B3GALT1: variants seen among roughly 807,000 people sequenced by gnomAD.
B3GALT1 encodes the protein beta-1,3-galactosyltransferase 1.
B3GALT1 carries 10 observed loss-of-function variants against 23.2 expected under a neutral mutation model. The observed-to-expected ratio is 0.43, with a 90% CI of 0.27 to 0.73. The LOEUF is 0.73. B3GALT1 is among the 30% of genes least tolerant of loss of function. The probability of loss-of-function intolerance (pLI) is 0.21; values close to 1 mark genes in which losing one functional copy is unlikely to be tolerated. For missense variants in B3GALT1, 299 were observed against 405.4 expected (o/e 0.74, Z 2.25); for synonymous variants, 156 against 141.5 (o/e 1.10, Z -0.73).
At chr2:167,569,815 T>G (rs1441957307) in intron 2 of B3GALT1, among the ~76,000 whole-genome samples, 1 of 151,898 alleles carries the variant, frequency 6.6e-6, no homozygotes, top group Non-Finnish European at 1.5e-5. Context: ...GATATTCTTC[T>G]TAAGTTGAGG....
At chr2:167,523,918 A>G (rs766325577) in intron 2 of B3GALT1, among the ~76,000 whole-genome samples, 5 of 152,172 alleles carry the variant, frequency 3.3e-5, no homozygotes, top group African/African-American at 9.6e-5. Flanking sequence ...TATTTCTTTT[A>G]TCAGTTAGTA....
chr2:167,510,285 A>C (rs896997003), intron 2 of B3GALT1, among the ~76,000 whole-genome samples: 1 of 152,040 alleles, frequency 6.6e-6, no homozygotes, highest in Non-Finnish European at 1.5e-5. Flanking sequence ...TATGTGATAC[A>C]TTGCTTGCAC....
intron 2 of B3GALT1, among the ~76,000 whole-genome samples, chr2:167,622,862 A>C (rs1160135824): frequency 6.6e-6 from 1 of 152,074 alleles, no homozygotes; most frequent in Non-Finnish European, 1.5e-5. Flanking sequence ...TCTGATACAA[A>C]ACGAAGTAAT....
chr2:167,715,435 A>G, intron 3 of B3GALT1: 1 of 1,608,636 alleles, frequency 6.2e-7, no homozygotes, highest in Non-Finnish European at 8.5e-7. Flanking sequence ...CACTCAAAGC[A>G]TCTTTTATTG....
intron 4 of B3GALT1, among the ~76,000 whole-genome samples, chr2:167,828,853 G>A (rs1689284267): frequency 1.3e-5 from 2 of 152,070 alleles, no homozygotes; most frequent in African/African-American, 4.8e-5. Flanking sequence ...TATGTGTGTG[G>A]GACTGAAATG....
intron 3 of B3GALT1, among the ~76,000 whole-genome samples, chr2:167,801,285 CTGAA>C (rs1688633968): frequency 6.6e-6 from 1 of 152,044 alleles, no homozygotes; most frequent in African/African-American, 2.4e-5. Flanking sequence ...TGTATTCTCT[CTGAA>C]TGAATAAGAG....
At chr2:167,835,514 A>AAAC in intron 4 of B3GALT1, among the ~76,000 whole-genome samples, 1 of 152,238 alleles carries the variant, frequency 6.6e-6, no homozygotes, top group East Asian at 1.9e-4. Flanking sequence ...TTGCTTAGGT[A>AAAC]AACAAAGCAG....
At chr2:167,427,005 G>T (rs1698632068) in intron 1 of B3GALT1, among the ~76,000 whole-genome samples, 2 of 152,194 alleles carry the variant, frequency 1.3e-5, no homozygotes, top group Admixed American at 1.3e-4. Flanking sequence ...GTATGTCATA[G>T]AGTAGAATAT....
chr2:167,478,586 CTT>C (rs1375950448), intron 1 of B3GALT1, among the ~76,000 whole-genome samples: 1 of 150,524 alleles, frequency 6.6e-6, no homozygotes, highest in Non-Finnish European at 1.5e-5. Context: ...TTAAATTATA[CTT>C]TAAGTTCTAG....
At chr2:167,462,614 G>C (rs548993516) in intron 1 of B3GALT1, among the ~76,000 whole-genome samples, 1 of 152,244 alleles carries the variant, frequency 6.6e-6, no homozygotes, top group Non-Finnish European at 1.5e-5. Flanking sequence ...GAAGGGAAGA[G>C]AGGAGTTGAA....
At chr2:167,593,342 C>T (rs1235206) in intron 2 of B3GALT1, among the ~76,000 whole-genome samples, 42,398 of 151,996 alleles carry the variant, frequency 0.28, 6,864 homozygotes, top group African/African-American at 0.45. Context: ...AAAATGCAAG[C>T]TGCAGTAATA....
At chr2:167,433,168 T>G (rs1281051052) in intron 1 of B3GALT1, among the ~76,000 whole-genome samples, 1 of 152,202 alleles carries the variant, frequency 6.6e-6, no homozygotes, top group African/African-American at 2.4e-5. Context: ...CAGGATGTCA[T>G]ATACTTGGAA....
At chr2:167,604,026 G>T (rs1363345427) in intron 2 of B3GALT1, among the ~76,000 whole-genome samples, 5 of 151,718 alleles carry the variant, frequency 3.3e-5, no homozygotes, top group African/African-American at 1.2e-4. Context: ...TGCCAGAAAA[G>T]AAATAATTAA....
At chr2:167,662,925 A>T (rs1367765769) in intron 3 of B3GALT1, among the ~76,000 whole-genome samples, 1 of 149,062 alleles carries the variant, frequency 6.7e-6, no homozygotes, top group African/African-American at 2.4e-5. Flanking sequence ...GTCTGCATTA[A>T]TGTCACTTTC....
chr2:167,483,361 A>G (rs1414162803), intron 1 of B3GALT1, among the ~76,000 whole-genome samples: 1 of 152,188 alleles, frequency 6.6e-6, no homozygotes, highest in Non-Finnish European at 1.5e-5. Context: ...AAACATAAAC[A>G]CTGGGTTCAT....
chr2:167,459,909 C>A (rs1358216422), intron 1 of B3GALT1, among the ~76,000 whole-genome samples: 1 of 152,032 alleles, frequency 6.6e-6, no homozygotes, highest in South Asian at 2.1e-4. Flanking sequence ...TTTGTTGTTT[C>A]ATTTTAGCCC....
intron 3 of B3GALT1, among the ~76,000 whole-genome samples, chr2:167,816,918 CCATT>C (rs796779563): frequency 3.3e-5 from 5 of 152,240 alleles, no homozygotes; most frequent in African/African-American, 1.2e-4. Context: ...TGGTACACTC[CCATT>C]ATTAGAATAA....
intron 3 of B3GALT1, among the ~76,000 whole-genome samples, chr2:167,705,907 G>A (rs1456199402): frequency 6.6e-6 from 1 of 152,172 alleles, no homozygotes; most frequent in Admixed American, 6.5e-5. Context: ...TATTGGACAC[G>A]ATATTGGACA....
chr2:167,536,522 G>A (rs1574124791), intron 2 of B3GALT1, among the ~76,000 whole-genome samples: 1 of 152,152 alleles, frequency 6.6e-6, no homozygotes, highest in East Asian at 1.9e-4. Flanking sequence ...ATTCATCACT[G>A]CTCTGTAACT....
Sources: allele counts gnomAD v4.1 joint callset (sites outside exome capture counted in the v4.1 genomes callset), GRCh38; gene constraint gnomAD v4.1.1; transcripts MANE v1.5; gene names NCBI Gene and HGNC (gene_info 2026-07-23, HGNC 2026-07-21).